Variants in RALGPS2 observed in about 807,000 individuals in gnomAD.
RALGPS2 encodes ras-specific guanine nucleotide-releasing factor RalGPS2.
Under a neutral mutation model 86.8 loss-of-function variants are expected in RALGPS2, and 43 were observed. That is an observed-to-expected ratio of 0.50 (90% confidence interval 0.39 to 0.64). The LOEUF (loss-of-function observed/expected upper bound fraction) is 0.64, where lower values mean the gene tolerates loss of function less well. RALGPS2 is among the 30% of genes least tolerant of loss of function. The pLI is 0.00. For missense variants in RALGPS2, 536 were observed against 694.6 expected, an observed-to-expected ratio of 0.77 and a Z score of 2.57; for synonymous variants, 243 against 231.3, an observed-to-expected ratio of 1.05 and a Z score of -0.46.
chr1:178,864,108 A>C (rs1171667024), intron 8 of RALGPS2, among the ~76,000 whole-genome samples: 2 of 152,178 alleles, frequency 1.3e-5, no homozygotes, highest in African/African-American at 4.8e-5. Context: ...AATAAACATA[A>C]AATACTGAAT....
At chr1:178,742,800 TG>T (rs993546984) in intron 1 of RALGPS2, among the ~76,000 whole-genome samples, 1 of 152,188 alleles carries the variant, frequency 6.6e-6, no homozygotes, top group African/African-American at 2.4e-5. Flanking sequence ...ATTAACAAAA[TG>T]GGGGAAAATC....
chr1:178,764,333 C>G (rs1352431709), intron 1 of RALGPS2, among the ~76,000 whole-genome samples: 1 of 152,028 alleles, frequency 6.6e-6, no homozygotes, highest in Non-Finnish European at 1.5e-5. Context: ...TTTCTCCATC[C>G]TTTTACTTGG....
At chr1:178,851,149 T>C in intron 8 of RALGPS2, 1 of 1,613,308 alleles carries the variant, frequency 6.2e-7, no homozygotes, top group Non-Finnish European at 8.5e-7. Context: ...GGCTTGATCA[T>C]CATCTGAACT....
At chr1:178,799,854 T>A (rs935337122) in intron 4 of RALGPS2, among the ~76,000 whole-genome samples, 4 of 152,096 alleles carry the variant, frequency 2.6e-5, no homozygotes, top group African/African-American at 9.7e-5. Context: ...CCATCATTGT[T>A]AAAGAAAAAG....
chr1:178,801,095 T>A (rs1654449509), intron 4 of RALGPS2, among the ~76,000 whole-genome samples: 1 of 151,926 alleles, frequency 6.6e-6, no homozygotes, highest in African/African-American at 2.4e-5. Context: ...CCTGGCTAAT[T>A]TTTGTATTTT....
chr1:178,730,728 T>A (rs1650297192), intron 1 of RALGPS2, among the ~76,000 whole-genome samples: 1 of 149,136 alleles, frequency 6.7e-6, no homozygotes. Flanking sequence ...GAGACAAGAG[T>A]TTTGCTCTTG....
chr1:178,860,983 C>T (rs1214391009), intron 8 of RALGPS2, among the ~76,000 whole-genome samples: 1 of 152,034 alleles, frequency 6.6e-6, no homozygotes, highest in African/African-American at 2.4e-5. Context: ...TTTGTTGTTG[C>T]TTGTAGTAAT....
At chr1:178,799,100 C>A (rs575026939) in intron 4 of RALGPS2, among the ~76,000 whole-genome samples, 1 of 152,072 alleles carries the variant, frequency 6.6e-6, no homozygotes, top group Non-Finnish European at 1.5e-5. Context: ...AGTGCAGTGG[C>A]GCGATCTCCG....
intron 1 of RALGPS2, among the ~76,000 whole-genome samples, chr1:178,772,289 G>T (rs61821342): frequency 0.012 from 1,836 of 152,188 alleles, 22 homozygotes; most frequent in Middle Eastern, 0.017. Context: ...AACTTTTATG[G>T]GGTAGTCTTC....
intron 4 of RALGPS2, among the ~76,000 whole-genome samples, chr1:178,802,094 AT>A (rs1402455785): frequency 6.6e-6 from 1 of 152,032 alleles, no homozygotes; most frequent in Non-Finnish European, 1.5e-5. Context: ...GAAGTCGAAA[AT>A]TTGCAGGTAA....
intron 11 of RALGPS2, among the ~76,000 whole-genome samples, chr1:178,884,041 A>T (rs1237253492): frequency 6.6e-6 from 1 of 152,178 alleles, no homozygotes; most frequent in African/African-American, 2.4e-5. Context: ...CAAGTATGCT[A>T]CCTAATCAAG....
chr1:178,782,246 T>C (rs1393276038), intron 2 of RALGPS2, among the ~76,000 whole-genome samples: 1 of 152,116 alleles, frequency 6.6e-6, no homozygotes, highest in Non-Finnish European at 1.5e-5. Context: ...ACTCCTTGGG[T>C]GTCCAGTCTT....
chr1:178,771,129 G>A (rs750427078), intron 1 of RALGPS2, among the ~76,000 whole-genome samples: 4 of 152,088 alleles, frequency 2.6e-5, no homozygotes, highest in Admixed American at 1.3e-4. Flanking sequence ...GTGAGCCACC[G>A]CACCCAGCCT....
intron 1 of RALGPS2, among the ~76,000 whole-genome samples, chr1:178,776,370 A>G (rs1004979453): frequency 7.2e-5 from 11 of 152,286 alleles, no homozygotes; most frequent in African/African-American, 2.6e-4. Flanking sequence ...GTTTTTACAC[A>G]TTTTATTTAC....
chr1:178,879,239 T>TTAATTTAATTTAATTTAATTTAAG (rs1357927667), intron 10 of RALGPS2: 11 of 336,262 alleles, frequency 3.3e-5, no homozygotes, highest in African/African-American at 2.3e-4. Flanking sequence ...GTTTGATAGT[T>TTAATTTAATTTAATTTAATTTAAG]CTAATTTAAA....
At chr1:178,771,119 G>C (rs1048809168) in intron 1 of RALGPS2, among the ~76,000 whole-genome samples, 1 of 152,126 alleles carries the variant, frequency 6.6e-6, no homozygotes, top group Admixed American at 6.5e-5. Context: ...GATTACAGGC[G>C]TGAGCCACCG....
At position 178,914,240 on chromosome 1, in the gene RALGPS2, T is replaced by G. The variant is rs372999135; in HGVS notation, c.1723-2090T>G. On this transcript the variant is annotated intron_variant, in intron 19 of 19. Coordinates refer to ENST00000367635, the MANE Select transcript of RALGPS2 (RefSeq NM_152663.5). ...CTATGGCCGTGTTCCTTTGCAGCTT[T>G]CCCCACACCATACCCCCTGGGCTCC... Among the ~76,000 whole-genome samples the G allele has an allele frequency of 3.3e-4, 50 of 152,178 alleles. 1 individual carries two copies. Among genetic ancestry groups the G allele is most frequent in the African/African-American group, 1.2e-3 (49 of 41,520 alleles).
intron 19 of RALGPS2, among the ~76,000 whole-genome samples, chr1:178,910,304 T>C (rs1370438580): frequency 1.3e-5 from 2 of 152,186 alleles, no homozygotes; most frequent in Non-Finnish European, 2.9e-5. Flanking sequence ...TTATGTTGAA[T>C]AGGAGTGGTT....
chr1:178,916,297 T>G (rs781225216), intron 19 of RALGPS2, 33 bp from the exon 20 acceptor site: 7 of 1,545,860 alleles, frequency 4.5e-6, no homozygotes, highest in Non-Finnish European at 5.3e-6. Context: ...AAAACAACTT[T>G]TAAACTCAGT....
Sources: gnomAD v4.1 joint callset for allele counts (sites outside exome capture counted in the v4.1 genomes callset) on GRCh38, gnomAD v4.1.1 for gene constraint, MANE v1.5 for transcripts, NCBI Gene and HGNC (gene_info 2026-07-23, HGNC 2026-07-21) for gene names.